The following FGFR2 variants were observed in gnomAD, a reference collection of about 807,000 sequenced individuals.
The protein encoded by FGFR2 is BEK fibroblast growth factor receptor.
In FGFR2, 19 loss-of-function variants were observed where a neutral mutation model predicts 95.9. The ratio of observed to expected loss-of-function variants is 0.20; its 90% CI spans 0.14 to 0.29. The LOEUF (loss-of-function observed/expected upper bound fraction) is 0.29. Among genes scored for constraint, FGFR2 ranks in the 10% least tolerant of loss-of-function variants. The pLI, the probability that FGFR2 is intolerant of heterozygous loss-of-function variation, is 1.00. For missense variants in FGFR2, 707 were observed against 1,056.9 expected, an observed-to-expected ratio of 0.67 and a Z score of 4.59; for synonymous variants, 392 against 393.3, an observed-to-expected ratio of 1.00 and a Z score of 0.04.
rs756718577 is a variant in FGFR2 at position 121,479,943 on chromosome 10, C to T, written c.2380G>A (p.Asp794Asn). ...PDTRSSCSSG[D>N]DSVFSPDPMP... Reference sequence around the variant, plus strand: ...GGGTCTGGAGAAAAAACAGAATCATCTCCTGAAGAACAAGAACTTCTTGTG... The same window carrying T: ...GGGTCTGGAGAAAAAACAGAATCATTTCCTGAAGAACAAGAACTTCTTGTG... The change falls in exon 18 of 18, where the codon GAT becomes AAT. Residue 794 changes from aspartate to asparagine, a missense_variant. Transcript: ENST00000358487. 1 of 1,614,184 alleles carries T rather than the reference C, an allele frequency of 6.2e-7. No homozygotes were observed. The highest frequency in any genetic ancestry group is 2.2e-5 in the East Asian group (1 of 44,872).
At chr10:121,551,544 C>T in intron 4 of FGFR2, 85 bp from the exon 5 acceptor site, 1 of 1,261,876 alleles carries the variant, frequency 7.9e-7, no homozygotes, top group Non-Finnish European at 1.1e-6. Context: ...GATCATTTCG[C>T]TTTGCATGTA....
intron 17 of FGFR2, among the ~76,000 whole-genome samples, chr10:121,482,860 G>A (rs181093582): frequency 1.3e-5 from 2 of 152,232 alleles, no homozygotes; most frequent in East Asian, 1.9e-4. Flanking sequence ...GTGCAGTGGC[G>A]CAATCTCAGT....
chr10:121,577,713 G>C (rs1246472227), intron 2 of FGFR2, among the ~76,000 whole-genome samples: 1 of 151,914 alleles, frequency 6.6e-6, no homozygotes, highest in South Asian at 2.1e-4. Context: ...AGTCTCCTGG[G>C]CACGTGTGGC....
chr10:121,529,971 T>C (rs776528432), intron 6 of FGFR2, among the ~76,000 whole-genome samples: 8 of 152,154 alleles, frequency 5.3e-5, no homozygotes, highest in Admixed American at 2.0e-4. Context: ...GAGGCTCCCA[T>C]TGCCTCATCG....
At chr10:121,539,883 G>A (rs947658978) in intron 5 of FGFR2, among the ~76,000 whole-genome samples, 1 of 152,216 alleles carries the variant, frequency 6.6e-6, no homozygotes, top group African/African-American at 2.4e-5. Context: ...TATAAAAACA[G>A]GAGGGCAGAG....
chr10:121,517,702 G>A lies in FGFR2; in HGVS notation c.940-239C>T, dbSNP rs1052871064. On this transcript the variant is annotated intron_variant, in intron 7 of 17. Transcript: ENST00000358487. The surrounding 1 kb of genome is among the most constrained non-coding windows in gnomAD (Gnocchi z 4.7). ...CTCCTACACATGCACGCAATCAAAC[G>A]CATGGAAAAAATCAACCCACAGAGG... 2.0e-5 allele frequency among the ~76,000 whole-genome samples: 3 copies of A among 151,932 alleles called. No individual in the cohort carries two copies. The highest frequency in any genetic ancestry group is 2.9e-5 in the Non-Finnish European group (2 of 68,002).
At chr10:121,519,914 A>G in intron 7 of FGFR2, 65 bp downstream of exon 7, 1 of 1,499,988 alleles carries the variant, frequency 6.7e-7, no homozygotes, top group Non-Finnish European at 9.3e-7. Flanking sequence ...AAATCAAAGA[A>G]CCTGTGGCCA....
intron 2 of FGFR2, among the ~76,000 whole-genome samples, chr10:121,585,745 C>T (rs1485362514): frequency 1.3e-5 from 2 of 152,208 alleles, no homozygotes; most frequent in Non-Finnish European, 2.9e-5. Flanking sequence ...ATTAAATGCA[C>T]AGAAGATTCT....
At chr10:121,580,312 CAG>C (rs1350184706) in intron 2 of FGFR2, among the ~76,000 whole-genome samples, 1 of 152,168 alleles carries the variant, frequency 6.6e-6, no homozygotes, top group African/African-American at 2.4e-5. Context: ...AACACTCCTT[CAG>C]AGTCTGCAGA....
intron 17 of FGFR2, among the ~76,000 whole-genome samples, chr10:121,483,432 G>A (rs751127558): frequency 1.3e-5 from 2 of 152,124 alleles, no homozygotes; most frequent in Admixed American, 6.6e-5. Context: ...CACATACCCC[G>A]GACTGCTCCA....
rs41295611 is a variant in FGFR2 at position 121,502,013 on chromosome 10, A to G, written c.1440-1066T>C. 9.8e-3 allele frequency among the ~76,000 whole-genome samples: 1,490 copies of G among 152,264 alleles called. 24 individuals carry two copies. The highest frequency in any genetic ancestry group is 0.033 in the African/African-American group (1,351 of 41,532). On this transcript the variant is annotated intron_variant, in intron 10 of 17. Transcript: ENST00000358487. Reference sequence around the variant, plus strand: ...TGTTCCACCTACGTTTGCGCTAAACACTGTTTTGAAATGTTTAGCACTCAG... The same window carrying G: ...TGTTCCACCTACGTTTGCGCTAAACGCTGTTTTGAAATGTTTAGCACTCAG...
chr10:121,501,853 A>G (rs2134025401), intron 10 of FGFR2, among the ~76,000 whole-genome samples: 1 of 152,348 alleles, frequency 6.6e-6, no homozygotes, highest in East Asian at 1.9e-4. Context: ...GGCAGAAAAT[A>G]AATATTTGCA....
intron 5 of FGFR2, among the ~76,000 whole-genome samples, chr10:121,548,716 T>C (rs1854940891): frequency 6.6e-6 from 1 of 152,124 alleles, no homozygotes; most frequent in South Asian, 2.1e-4. Context: ...ACCACCAGGA[T>C]TTTGACCACC....
chr10:121,482,279 TC>T lies in FGFR2; in HGVS notation c.2301+1418del, dbSNP rs542104965. On this transcript the variant is annotated intron_variant, in intron 17 of 17. Transcript: ENST00000358487. ...TGGCAGAAGAAGAAAGTTGGTTTCTTCCCCCCCTTGAACCGTTCCTTTCCTT... is the reference window on the plus strand; with the variant it reads ...TGGCAGAAGAAGAAAGTTGGTTTCTTCCCCCCTTGAACCGTTCCTTTCCTT... 993 of 1,079,426 alleles carry T rather than the reference TC, an allele frequency of 9.2e-4. 7 individuals are homozygous for T. In the African/African-American group the frequency reaches 0.013, roughly 14 times the overall value. The allele number at this position is 1,079,426 out of a possible 1,614,324, so 66.9% of individuals were successfully genotyped here. A position where few individuals can be genotyped will look rare whatever the true frequency, so the allele number is the denominator to read the frequency against.
Position 121,598,426 on chromosome 10 carries a change from G to C in FGFR2, c.-615C>G, listed in dbSNP as rs1036660044. The C allele has an allele frequency of 5.1e-5, 8 of 155,392 alleles. No homozygotes were observed. The highest frequency in any genetic ancestry group is 1.5e-4 in the African/African-American group (6 of 41,254). 9.6% of individuals were successfully genotyped at this position (155,392 alleles called of 1,614,324 possible). On this transcript the variant is annotated 5_prime_UTR_variant, in exon 1 of 18. Coordinates refer to ENST00000358487, the MANE Select transcript of FGFR2 (RefSeq NM_000141.5). ...CTCCGCACCCGCCGCCCGCCCGCTC[G>C]GCTCTCCACCGCGCTCTCCTCCAGC...
chr10:121,542,984 G>A (rs780169145), intron 5 of FGFR2, among the ~76,000 whole-genome samples: 41 of 152,256 alleles, frequency 2.7e-4, no homozygotes, highest in Non-Finnish European at 4.9e-4. Context: ...CAAATACTCA[G>A]GTGTTCGATA....
chr10:121,505,684 A>G (rs922273951), intron 9 of FGFR2, among the ~76,000 whole-genome samples: 1 of 152,176 alleles, frequency 6.6e-6, no homozygotes, highest in Non-Finnish European at 1.5e-5. Flanking sequence ...AGACAACTTT[A>G]AAGTCCCCGC....
At position 121,518,046 on chromosome 10, in the gene FGFR2, T is replaced by A. The variant is rs764025670; in HGVS notation, c.940-583A>T. The A allele has an allele frequency of 1.2e-5, 6 of 499,788 alleles. No individual in the cohort carries two copies. The highest frequency in any genetic ancestry group is 5.9e-5 in the African/African-American group (3 of 50,772). The allele number at this position is 499,788 out of a possible 1,614,324, so 31.0% of individuals were successfully genotyped here. ...CAAAAAGAAATGGAAGCAAGCATCA[T>A]CTTGGTAACCAAAAAAACTGGGCTT... On this transcript the variant is annotated intron_variant, in intron 7 of 17. Coordinates refer to ENST00000358487, the MANE Select transcript of FGFR2 (RefSeq NM_000141.5). The surrounding 1 kb of genome is among the most constrained non-coding windows in gnomAD (Gnocchi z 4.0).
rs1178417112 is a variant in FGFR2, at chr10:121,485,060, G to A, written c.2195+335C>T. Among the ~76,000 whole-genome samples, 3 of 152,152 alleles carry A rather than the reference G, an allele frequency of 2.0e-5. No homozygotes were observed. The highest frequency in any genetic ancestry group is 1.3e-4 in the Admixed American group (2 of 15,280). On this transcript the variant is annotated intron_variant, in intron 16 of 17. Coordinates refer to ENST00000358487, the MANE Select transcript of FGFR2 (RefSeq NM_000141.5). The surrounding 1 kb of genome is among the most constrained non-coding windows in gnomAD (Gnocchi z 4.2). Reference sequence around the variant, plus strand: ...TGTTTCCTGACCCGTGGGTCTTCCTGTCACTCCACGGGAGACCGCAGAAGG... The same window carrying A: ...TGTTTCCTGACCCGTGGGTCTTCCTATCACTCCACGGGAGACCGCAGAAGG...
Sources: gnomAD v4.1 joint callset for allele counts (sites outside exome capture counted in the v4.1 genomes callset) on GRCh38, gnomAD v4.1.1 for gene constraint, Gnocchi (gnomAD v3.1) non-coding constraint, MANE v1.5 for transcripts, NCBI Gene and HGNC (gene_info 2026-07-23, HGNC 2026-07-21) for gene names.